The following TBXAS1 variants were observed in gnomAD, a reference collection of about 807,000 sequenced individuals.
TBXAS1 encodes the protein thromboxane A synthase 1, also known as thromboxane-A synthase.
In TBXAS1, 48 loss-of-function variants were observed where a neutral mutation model predicts 60.7. The observed-to-expected ratio is 0.79, with a 90% CI of 0.63 to 1.01. The LOEUF (loss-of-function observed/expected upper bound fraction) is 1.01, where lower values mean the gene tolerates loss of function less well. Among genes scored for constraint, TBXAS1 ranks in the 50% least tolerant of loss-of-function variants. The pLI, the probability that TBXAS1 is intolerant of heterozygous loss-of-function variation, is 0.00. For synonymous variants in TBXAS1, 287 were observed against 269.7 expected, an observed-to-expected ratio of 1.06 and a Z score of -0.63; for missense variants, 685 against 686.3, an observed-to-expected ratio of 1.00 and a Z score of 0.02.
chr7:139,905,037 T>A lies in TBXAS1; in HGVS notation c.237-6188T>A, dbSNP rs565959769. Among the ~76,000 whole-genome samples, 99 of 87,790 alleles carry A rather than the reference T, an allele frequency of 1.1e-3. 1 individual carries two copies. The Middle Eastern group carries it at 0.021, about 19-fold the overall frequency. The allele number at this position is 87,790 out of a possible 152,430, so 57.6% of individuals were successfully genotyped here. On this transcript the variant is annotated intron_variant, in intron 3 of 12. Transcript: ENST00000448866. ...TTTCTTTCTTTCTTTCTTTCTTTCTTTCTTTCTTTCTTTCTTTCTTTCTCT... is the reference window on the plus strand; with the variant it reads ...TTTCTTTCTTTCTTTCTTTCTTTCTATCTTTCTTTCTTTCTTTCTTTCTCT...
chr7:139,802,798 A>AGAAGAAGAGGAAGAG (rs1797754423), intron 4 of TBXAS1, among the ~76,000 whole-genome samples: 1 of 152,090 alleles, frequency 6.6e-6, no homozygotes, highest in Admixed American at 6.5e-5. Context: ...GAAAAGAAGA[A>AGAAGAAGAGGAAGAG]GAAGAAGAGG....
chr7:139,806,639 G>A (rs766542248), intron 4 of TBXAS1, among the ~76,000 whole-genome samples: 13 of 151,896 alleles, frequency 8.6e-5, no homozygotes, highest in Non-Finnish European at 1.9e-4. Context: ...CTTTTTCCAG[G>A]TCTCTCCCTC....
In TBXAS1 at chr7:139,798,417, T is replaced by C. The variant is rs1797626527; in HGVS notation, c.-80+10991T>C. ...TGTGAGCAGAGGAAGCCAGGTGTATTGTTCCTGAAACTACGTTATTAACTG... is the reference window on the plus strand; with the variant it reads ...TGTGAGCAGAGGAAGCCAGGTGTATCGTTCCTGAAACTACGTTATTAACTG... On this transcript the variant is annotated intron_variant, in intron 4 of 16. Transcript: ENST00000336425. Among the ~76,000 whole-genome samples, 3 of 152,184 alleles carry C rather than the reference T, an allele frequency of 2.0e-5. No individual in the cohort carries two copies. In the South Asian group the frequency reaches 6.2e-4, roughly 32 times the overall value.
chr7:140,009,998 C>T (rs1814473804), intron 10 of TBXAS1, among the ~76,000 whole-genome samples: 2 of 134,032 alleles, frequency 1.5e-5, no homozygotes, highest in African/African-American at 5.8e-5. Context: ...ACCCGCTCCA[C>T]ACCCGCTTCA....
At chr7:139,909,750 T>C (rs999048129) in intron 3 of TBXAS1, among the ~76,000 whole-genome samples, 2 of 152,262 alleles carry the variant, frequency 1.3e-5, no homozygotes, top group African/African-American at 4.8e-5. Context: ...CTTTTCAGTG[T>C]GACTTTCCCC....
intron 2 of TBXAS1, among the ~76,000 whole-genome samples, chr7:139,781,053 G>T (rs1311708401): frequency 6.6e-6 from 1 of 152,166 alleles, no homozygotes; most frequent in Non-Finnish European, 1.5e-5. Flanking sequence ...GAACAATCTT[G>T]GGCAAGGAAA....
rs1268011326 is a variant in TBXAS1 at position 139,839,815 on chromosome 7, C to T, written c.89+10336C>T. On this transcript the variant is annotated intron_variant, in intron 1 of 12. Coordinates refer to ENST00000448866, the MANE Select transcript of TBXAS1 (RefSeq NM_001061.7). ...AGGATACAATGAGCTGTGATTGCAC[C>T]ACTACACTCGCACTCCAGCCTGGGT... Among the ~76,000 whole-genome samples the T allele has an allele frequency of 4.0e-5, 6 of 151,474 alleles. No homozygotes were observed. In the East Asian group the frequency reaches 1.2e-3, roughly 29 times the overall value.
chr7:139,864,208 A>G lies in TBXAS1; in HGVS notation c.90-8027A>G, dbSNP rs542608499. On this transcript the variant is annotated intron_variant, in intron 1 of 12. Transcript: ENST00000448866. ...CACATGTAAACCAATAAAACTAATT[A>G]GAAAGTCCAGAAGGATCATTGATTA... Among the ~76,000 whole-genome samples, 144 of 152,198 alleles carry G rather than the reference A, an allele frequency of 9.5e-4. 1 individual carries two copies. Among genetic ancestry groups the G allele is most frequent in the African/African-American group, 3.2e-3 (135 of 41,548 alleles).
intron 4 of TBXAS1, among the ~76,000 whole-genome samples, chr7:139,912,807 G>A (rs868394651): frequency 1.3e-5 from 2 of 152,136 alleles, no homozygotes; most frequent in East Asian, 1.9e-4. Context: ...CCTTGTCATC[G>A]CAAGAGCTTA....
At chr7:139,977,826 G>A (rs548769883) in intron 9 of TBXAS1, among the ~76,000 whole-genome samples, 7 of 152,274 alleles carry the variant, frequency 4.6e-5, no homozygotes, top group South Asian at 4.1e-4. Context: ...TTTATGGAGC[G>A]CCATAATTAT....
rs1355584622 is a variant in TBXAS1 at position 139,837,676 on chromosome 7, A to G, written c.89+8197A>G. On this transcript the variant is annotated intron_variant, in intron 1 of 12. Transcript: ENST00000448866. The stretch of plus-strand genomic sequence containing the variant: ...GGACTTGGAGGGAAGTATGAGAGGT[A>G]GGCAAGGGATAAAAGATTGCAAATA... 2.0e-5 allele frequency among the ~76,000 whole-genome samples: 3 copies of G among 152,346 alleles called. No individual in the cohort carries two copies. In the East Asian group the frequency reaches 5.8e-4, roughly 29 times the overall value.
At chr7:139,820,386 A>G (rs949016446) in intron 4 of TBXAS1, among the ~76,000 whole-genome samples, 7 of 152,162 alleles carry the variant, frequency 4.6e-5, no homozygotes, top group African/African-American at 1.7e-4. Flanking sequence ...GTGGTTAGCA[A>G]CATCAAGAGC....
At chr7:139,994,453 A>G (rs932014287) in intron 9 of TBXAS1, among the ~76,000 whole-genome samples, 45 of 152,192 alleles carry the variant, frequency 3.0e-4, no homozygotes, top group African/African-American at 1.1e-3. Context: ...GTTACTCAGT[A>G]GCCCTTAAAA....
At chr7:139,810,007 CAGGCTTGGTCATTTTCAAT>C (rs1286600436) in intron 4 of TBXAS1, among the ~76,000 whole-genome samples, 12 of 152,016 alleles carry the variant, frequency 7.9e-5, no homozygotes, top group Non-Finnish European at 1.6e-4. Context: ...TCTTTAAGCC[CAGGCTTGGTCATTTTCAAT>C]AAGTGGAAAT....
chr7:139,809,222 A>AGAT (rs1165065107), intron 4 of TBXAS1, among the ~76,000 whole-genome samples: 34 of 128,230 alleles, frequency 2.7e-4, no homozygotes, highest in African/African-American at 6.3e-4. Context: ...ATAGATAGAT[A>AGAT]GATAGATAGA....
At chr7:139,944,898 A>T (rs1013049306) in intron 5 of TBXAS1, among the ~76,000 whole-genome samples, 1 of 152,180 alleles carries the variant, frequency 6.6e-6, no homozygotes, top group Non-Finnish European at 1.5e-5. Flanking sequence ...AGGCTTAAAG[A>T]TGGTGGGTTT....
At chr7:139,809,233 T>TAGATAGATAGATAGATGATAGATAGATA (rs1554466810) in intron 4 of TBXAS1, among the ~76,000 whole-genome samples, 1 of 131,090 alleles carries the variant, frequency 7.6e-6, no homozygotes, top group Non-Finnish European at 1.6e-5. Flanking sequence ...GATAGATAGA[T>TAGATAGATAGATAGATGATAGATAGATA]GATAGATAGA....
chr7:139,956,110 T>A (rs1356194500), intron 7 of TBXAS1, among the ~76,000 whole-genome samples: 1 of 152,142 alleles, frequency 6.6e-6, no homozygotes, highest in Non-Finnish European at 1.5e-5. Context: ...GGTCACCCAA[T>A]GCACGAGGAC....
chr7:139,979,952 A>G (rs1281038139), intron 9 of TBXAS1, among the ~76,000 whole-genome samples: 1 of 151,424 alleles, frequency 6.6e-6, no homozygotes, highest in East Asian at 1.9e-4. Context: ...CTCACGTAAA[A>G]TCCACATATC....
Sources: gnomAD v4.1 joint callset for allele counts (sites outside exome capture counted in the v4.1 genomes callset) on GRCh38, gnomAD v4.1.1 for gene constraint, MANE v1.5 for transcripts, NCBI Gene and HGNC (gene_info 2026-07-23, HGNC 2026-07-21) for gene names.